Variants in MLLT10 observed in about 807,000 individuals in gnomAD.
The protein encoded by MLLT10 is MLLT10 histone lysine methyltransferase DOT1L cofactor.
MLLT10 carries 30 observed loss-of-function variants against 129.1 expected under a neutral mutation model. The observed-to-expected ratio is 0.23, with a 90% confidence interval of 0.17 to 0.32. The LOEUF (loss-of-function observed/expected upper bound fraction) is 0.32. Ranked by LOEUF, MLLT10 falls within the 10% of genes least tolerant of loss-of-function variation. The probability of loss-of-function intolerance (pLI) is 1.00; values close to 1 mark genes in which losing one functional copy is unlikely to be tolerated. For missense variants in MLLT10, 1,119 were observed against 1,268.3 expected (o/e 0.88, Z 1.79); for synonymous variants, 490 against 446.4 (o/e 1.10, Z -1.23).
chr10:21,709,937 T>G (rs1008330593), intron 13 of MLLT10, among the ~76,000 whole-genome samples: 7 of 151,936 alleles, frequency 4.6e-5, no homozygotes, highest in African/African-American at 7.3e-5. Flanking sequence ...TTGGTAGAGA[T>G]AGGATTTCAC....
At position 21,557,018 on chromosome 10, in the gene MLLT10, A is replaced by G. The variant is rs914108345; in HGVS notation, c.240+18106A>G. The G allele has an allele frequency of 2.2e-5, 32 of 1,463,714 alleles. No homozygotes were observed. The African/African-American group carries it at 3.4e-4, about 16-fold the overall frequency. 90.7% of individuals were successfully genotyped at this position (1,463,714 alleles called of 1,614,324 possible). On this transcript the variant is annotated intron_variant, in intron 3 of 22. Transcript: ENST00000307729. ...CTTACAGGGTTTTGTTTTACCAAGT[A>G]CTAGTCTTCAGTCTATCCTGTTTAC... is the stretch of plus-strand genomic sequence containing the variant.
In MLLT10 at chr10:21,640,113, T is replaced by C. The variant is rs368834123; in HGVS notation, c.700-11560T>C. Among the ~76,000 whole-genome samples the C allele has an allele frequency of 2.0e-5, 3 of 149,676 alleles. No individual in the cohort carries two copies. In the South Asian group the frequency reaches 6.3e-4, roughly 31 times the overall value. On this transcript the variant is annotated intron_variant, in intron 8 of 22. Transcript: ENST00000307729. The stretch of plus-strand genomic sequence containing the variant: ...GTTACTTAAAAAATGGCAAGGACTT[T>C]GGGAGTTTTGACCCAGGGACTGTGG...
Position 21,743,044 on chromosome 10 carries a change from C to T in MLLT10, c.*1061C>T. The T allele has an allele frequency of 4.3e-6, 1 of 230,552 alleles. No individual in the cohort carries two copies. Among genetic ancestry groups the T allele is most frequent in the Non-Finnish European group, 8.6e-6 (1 of 116,366 alleles). The allele number at this position is 230,552 out of a possible 1,614,324, so 14.3% of individuals were successfully genotyped here. A position where few individuals can be genotyped will look rare whatever the true frequency, so the allele number is the denominator to read the frequency against. ...ATTACTGACCATTAAAAGCTCACCA[C>T]TAGAGTTCCTGAAACAGGTGAAACC... On this transcript the variant is annotated 3_prime_UTR_variant, in exon 23 of 23. Transcript: ENST00000307729.
At chr10:21,671,733 T>C (rs577683762) in intron 10 of MLLT10, among the ~76,000 whole-genome samples, 23 of 152,168 alleles carry the variant, frequency 1.5e-4, no homozygotes, top group Non-Finnish European at 1.5e-4. Flanking sequence ...TGCAGTGAGC[T>C]GAGATTGCAC....
At chr10:21,675,120 A>T (rs1178568526) in intron 11 of MLLT10, among the ~76,000 whole-genome samples, 2 of 152,212 alleles carry the variant, frequency 1.3e-5, no homozygotes, top group African/African-American at 4.8e-5. Flanking sequence ...CAGTTATGAG[A>T]TGTCCTCATT....
intron 6 of MLLT10, 127 bp downstream of exon 6, chr10:21,612,578 A>G: frequency 2.0e-6 from 1 of 492,980 alleles, no homozygotes; most frequent in Non-Finnish European, 3.5e-6. Context: ...TTCTATGTTC[A>G]CATTTACTTA....
At chr10:21,617,576 A>C (rs1015732310) in intron 8 of MLLT10, among the ~76,000 whole-genome samples, 1 of 152,112 alleles carries the variant, frequency 6.6e-6, no homozygotes, top group Non-Finnish European at 1.5e-5. Context: ...TTATAATAGA[A>C]CAATTTTGAA....
intron 17 of MLLT10, 115 bp from the exon 18 acceptor site, chr10:21,732,784 T>C (rs941545459): frequency 1.4e-5 from 11 of 809,406 alleles, no homozygotes; most frequent in Middle Eastern, 7.9e-4. Context: ...AGAAACACTT[T>C]ACAGAATTTC....
intron 9 of MLLT10, among the ~76,000 whole-genome samples, chr10:21,668,438 T>C (rs1206952419): frequency 1.3e-5 from 2 of 152,186 alleles, no homozygotes; most frequent in Non-Finnish European, 2.9e-5. Flanking sequence ...GGAATTAAAA[T>C]AGATGTTTCT....
chr10:21,739,958 A>G, intron 21 of MLLT10, 72 bp from the exon 22 acceptor site: 4 of 1,204,180 alleles, frequency 3.3e-6, no homozygotes, highest in Non-Finnish European at 4.7e-6. Context: ...GAAAGAAAAC[A>G]TAAGGCAGCT....
In MLLT10 at chr10:21,723,538, G is replaced by A. The variant is rs141208544; in HGVS notation, c.1879-2706G>A. ...AGGCTGGGAGTGTTTCCTTGCTTTG[G>A]AAGTGCTAAGGCATCTAGAAGTACA... On this transcript the variant is annotated intron_variant, in intron 14 of 22. Coordinates refer to ENST00000307729, the MANE Select transcript of MLLT10 (RefSeq NM_001195626.3). Among the ~76,000 whole-genome samples the A allele has an allele frequency of 4.8e-3, 733 of 152,300 alleles. 3 individuals carry two copies. The highest frequency in any genetic ancestry group is 0.016 in the African/African-American group (679 of 41,560).
chr10:21,701,395 G>A (rs1243878787), intron 13 of MLLT10, among the ~76,000 whole-genome samples: 3 of 151,164 alleles, frequency 2.0e-5, no homozygotes, highest in Admixed American at 6.6e-5. Context: ...GTTCCTTGAG[G>A]TGCATCATTA....
chr10:21,536,640 T>TA (rs2034066710), intron 2 of MLLT10, among the ~76,000 whole-genome samples: 1 of 152,198 alleles, frequency 6.6e-6, no homozygotes, highest in African/African-American at 2.4e-5. Context: ...AGGGTGCTAT[T>TA]ACAGCTCACT....
chr10:21,641,169 G>A (rs1311747285), intron 8 of MLLT10, among the ~76,000 whole-genome samples: 1 of 152,140 alleles, frequency 6.6e-6, no homozygotes, highest in Non-Finnish European at 1.5e-5. Flanking sequence ...TGAGTTTGGC[G>A]AATAGGCTGT....
At chr10:21,566,778 C>T (rs546245804) in intron 3 of MLLT10, among the ~76,000 whole-genome samples, 2 of 150,482 alleles carry the variant, frequency 1.3e-5, no homozygotes, top group African/African-American at 4.9e-5. Flanking sequence ...TTTTTTAGTT[C>T]ATTGATATGG....
At chr10:21,653,491 T>A (rs1007115247) in intron 9 of MLLT10, among the ~76,000 whole-genome samples, 1 of 152,108 alleles carries the variant, frequency 6.6e-6, no homozygotes, top group Admixed American at 6.5e-5. Context: ...CACTTGGAAT[T>A]TTTTTTTGCA....
chr10:21,563,452 G>A (rs986975431), intron 3 of MLLT10, among the ~76,000 whole-genome samples: 6 of 152,020 alleles, frequency 3.9e-5, no homozygotes, highest in Non-Finnish European at 7.4e-5. Context: ...GAAACCAGGA[G>A]GCAGAGGTTG....
chr10:21,583,153 G>C (rs2041644806), intron 3 of MLLT10, among the ~76,000 whole-genome samples: 5 of 152,172 alleles, frequency 3.3e-5, no homozygotes. Context: ...CTGGGCAACA[G>C]AGTGAGACTC....
At chr10:21,648,290 C>T (rs962817079) in intron 8 of MLLT10, among the ~76,000 whole-genome samples, 1 of 152,178 alleles carries the variant, frequency 6.6e-6, no homozygotes, top group African/African-American at 2.4e-5. Context: ...TTGTAATGCT[C>T]ATTGCAGGAT....
Sources: allele counts gnomAD v4.1 joint callset (sites outside exome capture counted in the v4.1 genomes callset), GRCh38; gene constraint gnomAD v4.1.1; transcripts MANE v1.5; gene names NCBI Gene and HGNC (gene_info 2026-07-23, HGNC 2026-07-21).